The following TMCO5A variants were observed in gnomAD, a reference collection of about 807,000 sequenced individuals.
TMCO5A encodes the protein transmembrane and coiled-coil domain-containing protein 5A.
In TMCO5A, 34 loss-of-function variants were observed where a neutral mutation model predicts 42.3. The observed-to-expected ratio is 0.80, with a 90% CI of 0.61 to 1.07. TMCO5A has a LOEUF of 1.07. Ranked by LOEUF, TMCO5A falls within the 50% of genes least tolerant of loss-of-function variation. The probability of loss-of-function intolerance (pLI) is 0.00; values close to 1 mark genes in which losing one functional copy is unlikely to be tolerated. For missense variants in TMCO5A, 357 were observed against 327.9 expected, an observed-to-expected ratio of 1.09 and a Z score of -0.69; for synonymous variants, 131 against 115.6, an observed-to-expected ratio of 1.13 and a Z score of -0.86.
intron 11 of TMCO5A, among the ~76,000 whole-genome samples, chr15:37,961,662 C>T (rs1192001552): frequency 1.3e-5 from 2 of 152,022 alleles, no homozygotes; most frequent in Admixed American, 6.6e-5. Context: ...TCTACCCATC[C>T]GTGAGCATGG....
the TMCO5A span, chr15:38,040,814 A>G: frequency 1.3e-5 from 2 of 152,210 alleles, no homozygotes; most frequent in Non-Finnish European, 2.9e-5. Flanking sequence ...GTGGGGAACA[A>G]TGCTAATGGG....
the TMCO5A span, among the ~76,000 whole-genome samples, chr15:37,973,935 C>T: frequency 2.6e-5 from 4 of 152,050 alleles, no homozygotes; most frequent in Non-Finnish European, 4.4e-5. Context: ...AGGTATGTTC[C>T]TTCATTGCCT....
the TMCO5A span, among the ~76,000 whole-genome samples, chr15:38,009,862 A>G: frequency 6.6e-6 from 1 of 152,204 alleles, no homozygotes; most frequent in Non-Finnish European, 1.5e-5. Context: ...TTAGCATTGT[A>G]TCTGGAGCAT....
At chr15:38,001,194 T>C in the TMCO5A span, among the ~76,000 whole-genome samples, 1 of 152,078 alleles carries the variant, frequency 6.6e-6, no homozygotes, top group Non-Finnish European at 1.5e-5. Flanking sequence ...GTTGGGTGCA[T>C]ATACATTTAA....
chr15:37,951,784 T>C (rs1890165780), downstream of TMCO5A, among the ~76,000 whole-genome samples: 1 of 152,090 alleles, frequency 6.6e-6, no homozygotes, highest in African/African-American at 2.4e-5. Context: ...AGAAAGCACC[T>C]TTTTAAGAAT....
At chr15:37,964,339 C>G (rs1290164886) in intron 11 of TMCO5A, among the ~76,000 whole-genome samples, 1 of 152,130 alleles carries the variant, frequency 6.6e-6, no homozygotes, top group Non-Finnish European at 1.5e-5. Flanking sequence ...GCACAGAGTC[C>G]TGTCATATGA....
At chr15:37,939,779 A>T (rs975172576) in intron 6 of TMCO5A, among the ~76,000 whole-genome samples, 3 of 152,054 alleles carry the variant, frequency 2.0e-5, no homozygotes, top group Non-Finnish European at 4.4e-5. Flanking sequence ...CAGCAGCTTA[A>T]TGGGGTGCCT....
intron 11 of TMCO5A, among the ~76,000 whole-genome samples, chr15:37,950,342 AG>A (rs1890116112): frequency 6.6e-6 from 1 of 152,164 alleles, no homozygotes; most frequent in Admixed American, 6.6e-5. Context: ...TCCTAATTAA[AG>A]AAAAGATGGA....
At chr15:38,016,764 C>T in the TMCO5A span, among the ~76,000 whole-genome samples, 1 of 152,174 alleles carries the variant, frequency 6.6e-6, no homozygotes. Flanking sequence ...CCCTTTCTGA[C>T]CACTGTGTCC....
chr15:37,937,750 A>C (rs1889571786), intron 5 of TMCO5A, among the ~76,000 whole-genome samples: 1 of 152,156 alleles, frequency 6.6e-6, no homozygotes, highest in Non-Finnish European at 1.5e-5. Context: ...AAACAACAAC[A>C]AAAATAATTA....
the TMCO5A span, among the ~76,000 whole-genome samples, chr15:38,027,171 T>C: frequency 6.6e-6 from 1 of 151,866 alleles, no homozygotes; most frequent in Non-Finnish European, 1.5e-5. Flanking sequence ...ACCATTTGCC[T>C]GGAAAAACGG....
chr15:38,030,942 A>C, the TMCO5A span, among the ~76,000 whole-genome samples: 1 of 152,172 alleles, frequency 6.6e-6, no homozygotes, highest in Admixed American at 6.5e-5. Flanking sequence ...GCTGAGGTAT[A>C]ATTGCCCACT....
At chr15:38,034,548 TC>T in the TMCO5A span, among the ~76,000 whole-genome samples, 1 of 152,100 alleles carries the variant, frequency 6.6e-6, no homozygotes, top group Non-Finnish European at 1.5e-5. Flanking sequence ...AGGCTGTTGC[TC>T]CTTAGCCTCT....
rs1344891421 is a variant in TMCO5A at position 37,947,693 on chromosome 15, A to C, written c.665A>C (p.Lys222Thr). 1 of 1,591,468 alleles carries C rather than the reference A, an allele frequency of 6.3e-7. No individual in the cohort carries two copies. The highest frequency in any genetic ancestry group is 1.3e-5 in the African/African-American group (1 of 74,180). Residue 222 changes from lysine to threonine, a missense_variant, in exon 11 of 12, where the codon AAA becomes ACA. Lys to Thr is a moderately conservative substitution (Grantham distance 78). Coordinates refer to ENST00000319669, the MANE Select transcript of TMCO5A (RefSeq NM_152453.4). ...PTQKTARLFSKKIFCCLFFIT... is the reference protein window; with the variant it reads ...PTQKTARLFSTKIFCCLFFIT... ...CAAAAGACAGCAAGATTATTCAGTA[A>C]AAAGTAAGTAAAATATCTTCAGGTA...
chr15:38,003,465 C>T, the TMCO5A span, among the ~76,000 whole-genome samples: 1 of 152,122 alleles, frequency 6.6e-6, no homozygotes, highest in Non-Finnish European at 1.5e-5. Flanking sequence ...AGCTCATGTC[C>T]TTCCTTTCAA....
intron 11 of TMCO5A, among the ~76,000 whole-genome samples, chr15:37,965,451 A>C (rs1006062588): frequency 1.3e-5 from 2 of 152,282 alleles, no homozygotes; most frequent in African/African-American, 4.8e-5. Flanking sequence ...CAAATGAAAC[A>C]ATCAACAAAG....
the TMCO5A span, among the ~76,000 whole-genome samples, chr15:37,995,754 A>C: frequency 5.3e-5 from 8 of 152,154 alleles, no homozygotes; most frequent in African/African-American, 1.9e-4. Context: ...CTGCTCTATG[A>C]GGACTCAGAA....
At chr15:38,021,368 A>C in the TMCO5A span, among the ~76,000 whole-genome samples, 27 of 152,222 alleles carry the variant, frequency 1.8e-4, no homozygotes, top group Non-Finnish European at 2.9e-4. Flanking sequence ...GTCTGCGTGC[A>C]GCTCTCCATG....
the TMCO5A span, among the ~76,000 whole-genome samples, chr15:38,035,192 A>G: frequency 6.6e-6 from 1 of 152,262 alleles, no homozygotes; most frequent in Non-Finnish European, 1.5e-5. Context: ...GAGGAGCCCA[A>G]GAATTCTACA....
Sources: gnomAD v4.1 joint callset for allele counts (sites outside exome capture counted in the v4.1 genomes callset) on GRCh38, gnomAD v4.1.1 for gene constraint, MANE v1.5 for transcripts, NCBI Gene and HGNC (gene_info 2026-07-23, HGNC 2026-07-21) for gene names.